Variants in RRP1 observed in about 807,000 individuals in gnomAD.
RRP1 encodes ribosomal RNA processing 1.
RRP1 carries 37 observed loss-of-function variants against 54.6 expected under a neutral mutation model. The observed-to-expected ratio is 0.68, with a 90% confidence interval of 0.52 to 0.89. RRP1 has a LOEUF of 0.89. Among genes scored for constraint, RRP1 ranks in the 40% least tolerant of loss-of-function variants. The pLI is 0.00. For synonymous variants in RRP1, 262 were observed against 244.3 expected (o/e 1.07, Z -0.67); for missense variants, 639 against 612.5 (o/e 1.04, Z -0.46).
At position 43,791,344 on chromosome 21, in the gene RRP1, A is replaced by G. The variant is rs1177522215; in HGVS notation, c.134-6A>G. The G allele has an allele frequency of 6.2e-7, 1 of 1,613,528 alleles. No individual in the cohort carries two copies. On this transcript the variant is annotated splice_polypyrimidine_tract_variant and splice_region_variant and intron_variant, in intron 1 of 12. Coordinates refer to ENST00000497547, the MANE Select transcript of RRP1 (RefSeq NM_003683.6). ...ATTTGGTCCAACCGTTGCTGTTTTGATGCAGGTGGTTTTACGCACGACGAG... is the reference window on the plus strand; with the variant it reads ...ATTTGGTCCAACCGTTGCTGTTTTGGTGCAGGTGGTTTTACGCACGACGAG...
intron 5 of RRP1, among the ~76,000 whole-genome samples, chr21:43,795,540 G>A (rs940407403): frequency 3.2e-4 from 49 of 152,138 alleles, no homozygotes; most frequent in African/African-American, 1.1e-3. Context: ...GGCATGTTCC[G>A]CTTCATTAGC....
At position 43,793,321 on chromosome 21, in the gene RRP1, C is replaced by A. The variant is rs779817474; in HGVS notation, c.277C>A (p.His93Asn). The A allele has an allele frequency of 6.2e-7, 1 of 1,614,136 alleles. No individual in the cohort carries two copies. The highest frequency in any genetic ancestry group is 1.1e-5 in the South Asian group (1 of 91,084). Residue 93 changes from histidine to asparagine, a missense_variant and splice_region_variant, in exon 4 of 13, where the codon CAC becomes AAC. Physicochemically the swap from His to Asn is moderately conservative, Grantham distance 68. Coordinates refer to ENST00000497547, the MANE Select transcript of RRP1 (RefSeq NM_003683.6). Reference sequence around the variant, plus strand: ...CTTCTGGCTTATTCCTTCTCCAGAGCACCTGTTCCTTCAGGCCTTCTGGCA... The same window carrying A: ...CTTCTGGCTTATTCCTTCTCCAGAGAACCTGTTCCTTCAGGCCTTCTGGCA... Reference protein sequence around the residue: ...VHAFQTTEAQHLFLQAFWQTM... With the variant: ...VHAFQTTEAQNLFLQAFWQTM...
chr21:43,797,587 C>T (rs1281376843), intron 6 of RRP1, 36 bp downstream of exon 6: 3 of 1,613,914 alleles, frequency 1.9e-6, no homozygotes, highest in Non-Finnish European at 2.5e-6. Flanking sequence ...TGGAGCTGGG[C>T]GTTTGTGGAG....
At chr21:43,793,617 C>A (rs143357176) in intron 4 of RRP1, among the ~76,000 whole-genome samples, 1 of 152,204 alleles carries the variant, frequency 6.6e-6, no homozygotes, top group Non-Finnish European at 1.5e-5. Flanking sequence ...GCAAGGAATT[C>A]GACCCTTAAA....
rs777514815 is a variant in RRP1, at chr21:43,792,744, C to T, written c.274+15C>T. 2.5e-6 allele frequency: 4 copies of T among 1,613,654 alleles called. No individual in the cohort carries two copies. The highest frequency in any genetic ancestry group is 1.1e-5 in the South Asian group (1 of 91,068). ...CACGGAGGCGCGTGAGTATGCTCTG[C>T]TGTAGTTGGGTGCATTTGTAGATGT... On this transcript the variant is annotated intron_variant, in intron 3 of 12. Transcript: ENST00000497547.
chr21:43,791,449 G>A lies in RRP1; in HGVS notation c.216+17G>A. On this transcript the variant is annotated intron_variant, in intron 2 of 12. Coordinates refer to ENST00000497547, the MANE Select transcript of RRP1 (RefSeq NM_003683.6). ...CTCCTCCAGGTGAGTGGGGGGAGCA[G>A]CAGAGCAGGTACAGAAGCAGCGGGG... 1.2e-6 allele frequency: 2 copies of A among 1,612,224 alleles called. No individual in the cohort carries two copies. The highest frequency in any genetic ancestry group is 1.7e-6 in the Non-Finnish European group (2 of 1,178,396).
chr21:43,793,547 C>T (rs2084982567), intron 4 of RRP1, 143 bp downstream of exon 4: 2 of 656,710 alleles, frequency 3.0e-6, no homozygotes, highest in Admixed American at 2.6e-5. Flanking sequence ...AGCCGAGACT[C>T]TGGGCGGTCC....
At chr21:43,791,849 A>C (rs1259276547) in intron 2 of RRP1, among the ~76,000 whole-genome samples, 1 of 152,198 alleles carries the variant, frequency 6.6e-6, no homozygotes, top group Non-Finnish European at 1.5e-5. Context: ...GGGAGGTCGT[A>C]TAGCCTTGAC....
intron 5 of RRP1, 72 bp from the exon 6 acceptor site, chr21:43,797,349 TG>T (rs1435538425): frequency 1.2e-4 from 190 of 1,537,018 alleles, no homozygotes; most frequent in Non-Finnish European, 1.6e-4. Context: ...CGTGTAACCA[TG>T]GGAGAGTGGG....
At chr21:43,799,535 C>T (rs1363611483) in intron 8 of RRP1, 35 bp from the exon 9 acceptor site, 16 of 1,594,728 alleles carry the variant, frequency 1.0e-5, no homozygotes, top group Non-Finnish European at 1.3e-5. Context: ...ACACGTTGGG[C>T]ACAGGTAGGG....
intron 3 of RRP1, 111 bp downstream of exon 3, chr21:43,792,840 T>A: frequency 1.7e-6 from 2 of 1,179,404 alleles, no homozygotes; most frequent in Non-Finnish European, 2.5e-6. Flanking sequence ...AAGGAATGCC[T>A]AAGGGCAAGA....
At chr21:43,795,427 T>A (rs989135023) in intron 5 of RRP1, among the ~76,000 whole-genome samples, 177 bp downstream of exon 5, 2 of 152,204 alleles carry the variant, frequency 1.3e-5, no homozygotes, top group Admixed American at 1.3e-4. Context: ...TTTGTGGAAA[T>A]GATGCCATTT....
rs2838378 is a variant in RRP1, at chr21:43,797,678, T to C, written c.600T>C (p.Ile200=). The change falls in exon 7 of 13, where the codon ATT becomes ATC. Residue 200 remains isoleucine (I), a synonymous_variant. Coordinates refer to ENST00000497547, the MANE Select transcript of RRP1 (RefSeq NM_003683.6). ...AGTTCATCGACCCCTTCTGCAGAAT[T>C]GCTGCCCGGACCAAGGAGTAAGTGG... ...NLKFIDPFCR[I]AARTKDSLVL... The C allele has an allele frequency of 0.48, 778,706 of 1,613,566 alleles. 201,027 individuals carry two copies. Among genetic ancestry groups the C allele is most frequent in the African/African-American group, 0.81 (60,369 of 74,946 alleles).
rs2085128494 is a variant in RRP1 at position 43,804,860 on chromosome 21, CA to C, written c.*1087del. The stretch of plus-strand genomic sequence containing the variant: ...ACCCCGGGCAGGTGGCACCTGGTGA[CA>C]CCTCCTTCAGTCCCACTCAGCTGGG... On this transcript the variant is annotated 3_prime_UTR_variant, in exon 13 of 13. Coordinates refer to ENST00000497547, the MANE Select transcript of RRP1 (RefSeq NM_003683.6). This position sits in a 1 kb window ranked among gnomAD's most constrained non-coding sequence, Gnocchi z 4.3. 1 of 152,652 alleles carries C rather than the reference CA, an allele frequency of 6.6e-6. No individual in the cohort carries two copies. Among genetic ancestry groups the C allele is most frequent in the African/African-American group, 2.4e-5 (1 of 41,456 alleles). 9.5% of individuals were successfully genotyped at this position (152,652 alleles called of 1,614,324 possible). A position where few individuals can be genotyped will look rare whatever the true frequency, so the allele number is the denominator to read the frequency against.
At chr21:43,797,748 G>T in intron 7 of RRP1, 53 bp downstream of exon 7, 1 of 1,602,380 alleles carries the variant, frequency 6.2e-7, no homozygotes, top group South Asian at 1.1e-5. Context: ...GTTCTTCCAT[G>T]GGGCTGCTGT....
Position 43,800,336 on chromosome 21 carries a change from C to T in RRP1, c.892-181C>T, listed in dbSNP as rs192904203. Among the ~76,000 whole-genome samples the T allele has an allele frequency of 2.6e-3, 391 of 152,266 alleles. 1 individual carries two copies. The highest frequency in any genetic ancestry group is 8.5e-3 in the African/African-American group (352 of 41,540). Reference sequence around the variant, plus strand: ...GTGCGCCCGCAGCTTGTGTGGTGCCCGCTGTGCTGTAGAGTGGGTGGAGCT... The same window carrying T: ...GTGCGCCCGCAGCTTGTGTGGTGCCTGCTGTGCTGTAGAGTGGGTGGAGCT... On this transcript the variant is annotated intron_variant, in intron 9 of 12. Transcript: ENST00000497547.
At chr21:43,796,390 C>CT (rs1007737254) in intron 5 of RRP1, among the ~76,000 whole-genome samples, 5 of 152,136 alleles carry the variant, frequency 3.3e-5, no homozygotes, top group Admixed American at 2.6e-4. Context: ...CTTGTGTTAA[C>CT]TTTTTTTGGC....
intron 4 of RRP1, 67 bp from the exon 5 acceptor site, chr21:43,795,122 T>G: frequency 1.4e-6 from 2 of 1,421,642 alleles, no homozygotes; most frequent in South Asian, 1.2e-5. Context: ...TGGTGGTACA[T>G]GGGGATGGGT....
Position 43,797,696 on chromosome 21 carries a change from G to C in RRP1, c.617+1G>C. On this transcript the variant is annotated splice_donor_variant, in intron 7 of 12. Coordinates refer to ENST00000497547, the MANE Select transcript of RRP1 (RefSeq NM_003683.6). LOFTEE classifies it high-confidence loss of function. ...GCAGAATTGCTGCCCGGACCAAGGA[G>C]TAAGTGGTGGGTGGCCTGATCGGGC... The C allele has an allele frequency of 6.2e-7, 1 of 1,613,670 alleles. No homozygotes were observed. The highest frequency in any genetic ancestry group is 1.7e-4 in the Middle Eastern group (1 of 6,058).
Sources: allele counts gnomAD v4.1 joint callset (sites outside exome capture counted in the v4.1 genomes callset), GRCh38; gene constraint gnomAD v4.1.1; non-coding constraint Gnocchi (gnomAD v3.1); transcripts MANE v1.5; gene names NCBI Gene and HGNC (gene_info 2026-07-23, HGNC 2026-07-21).